The following XKR6 variants were observed in gnomAD, a reference collection of about 807,000 sequenced individuals.
The protein encoded by XKR6 is XK-related protein 6.
A neutral mutation model predicts 56.7 loss-of-function variants in XKR6; 22 were observed. The ratio of observed to expected loss-of-function variants is 0.39; its 90% CI spans 0.28 to 0.55. XKR6 has a LOEUF of 0.55. XKR6 is among the 20% of genes least tolerant of loss of function. The pLI, the probability that XKR6 is intolerant of heterozygous loss-of-function variation, is 0.66. For missense variants in XKR6, 852 were observed against 889.0 expected (o/e 0.96, Z 0.53); for synonymous variants, 524 against 387.8 (o/e 1.35, Z -4.13).
intron 1 of XKR6, among the ~76,000 whole-genome samples, chr8:11,134,298 C>T (rs542575939): frequency 2.0e-5 from 3 of 152,268 alleles, no homozygotes; most frequent in African/African-American, 7.2e-5. Flanking sequence ...TATCCCAATG[C>T]CTTAAGGGCG....
chr8:10,984,173 T>C (rs1337300511), intron 1 of XKR6, among the ~76,000 whole-genome samples: 1 of 152,202 alleles, frequency 6.6e-6, no homozygotes, highest in African/African-American at 2.4e-5. Flanking sequence ...CCTATTACCA[T>C]AACTTTACAT....
intron 1 of XKR6, among the ~76,000 whole-genome samples, chr8:10,972,727 T>C (rs28494533): frequency 6.6e-6 from 1 of 151,972 alleles, no homozygotes; most frequent in Admixed American, 6.5e-5. Context: ...TGGGGAGTCA[T>C]TGTTTAGTGG....
chr8:11,174,529 T>A (rs1483556424), intron 1 of XKR6, among the ~76,000 whole-genome samples: 4 of 152,234 alleles, frequency 2.6e-5, no homozygotes, highest in Non-Finnish European at 2.9e-5. Context: ...GGCTAGTAGT[T>A]ACTCAAACAG....
chr8:11,029,626 G>C (rs1798947297), intron 1 of XKR6, among the ~76,000 whole-genome samples: 1 of 152,106 alleles, frequency 6.6e-6, no homozygotes, highest in Non-Finnish European at 1.5e-5. Flanking sequence ...AGTGTCTGCT[G>C]TGTGAGCCAC....
At chr8:10,968,660 C>G (rs1475552057) in intron 1 of XKR6, among the ~76,000 whole-genome samples, 1 of 152,240 alleles carries the variant, frequency 6.6e-6, no homozygotes, top group Non-Finnish European at 1.5e-5. Context: ...CAGGAGCATT[C>G]CCTCTCTCCT....
chr8:11,031,370 G>C (rs1798989630), intron 1 of XKR6, among the ~76,000 whole-genome samples: 1 of 152,230 alleles, frequency 6.6e-6, no homozygotes, highest in Non-Finnish European at 1.5e-5. Context: ...CAGCCCAGTG[G>C]GTTCTCTTCA....
At chr8:11,114,802 A>C (rs1253198594) in intron 1 of XKR6, among the ~76,000 whole-genome samples, 1 of 148,680 alleles carries the variant, frequency 6.7e-6, no homozygotes, top group Admixed American at 6.8e-5. Flanking sequence ...AGGTCAGTGT[A>C]ATGCTAAACC....
chr8:11,169,149 C>A (rs536708080), intron 1 of XKR6, among the ~76,000 whole-genome samples: 8 of 152,238 alleles, frequency 5.3e-5, no homozygotes, highest in East Asian at 3.9e-4. Flanking sequence ...TCCATAAAAA[C>A]CCCAAATCTA....
chr8:11,060,767 T>C (rs1799813343), intron 1 of XKR6, among the ~76,000 whole-genome samples: 1 of 152,198 alleles, frequency 6.6e-6, no homozygotes, highest in South Asian at 2.1e-4. Flanking sequence ...TAAATACTTA[T>C]TACATCCTGC....
intron 1 of XKR6, among the ~76,000 whole-genome samples, chr8:11,101,915 G>GT (rs1425572652): frequency 1.3e-5 from 2 of 152,122 alleles, no homozygotes; most frequent in Non-Finnish European, 2.9e-5. Context: ...TTTTAGTGTT[G>GT]TATCTTGCAG....
At chr8:11,084,675 C>A (rs886188066) in intron 1 of XKR6, among the ~76,000 whole-genome samples, 2 of 152,186 alleles carry the variant, frequency 1.3e-5, no homozygotes, top group African/African-American at 2.4e-5. Flanking sequence ...CAGACTTCAG[C>A]TTTCAGAGTT....
chr8:11,182,231 G>T (rs754915718), intron 1 of XKR6, among the ~76,000 whole-genome samples: 2 of 152,314 alleles, frequency 1.3e-5, no homozygotes, highest in African/African-American at 4.8e-5. Flanking sequence ...AGGTGGTGGT[G>T]AGCCCCATGA....
intron 1 of XKR6, among the ~76,000 whole-genome samples, chr8:11,164,406 T>A (rs969190800): frequency 3.9e-5 from 6 of 152,218 alleles, no homozygotes; most frequent in African/African-American, 1.4e-4. Context: ...TTCTCCTCAG[T>A]TTCATCGCCC....
chr8:11,078,637 C>G (rs1054641386), intron 1 of XKR6, among the ~76,000 whole-genome samples: 4 of 152,174 alleles, frequency 2.6e-5, no homozygotes, highest in Admixed American at 6.5e-5. Context: ...CTGCGAGTCT[C>G]AAGACAAGAG....
At chr8:11,163,118 G>C (rs1045443052) in intron 1 of XKR6, among the ~76,000 whole-genome samples, 7 of 152,024 alleles carry the variant, frequency 4.6e-5, no homozygotes, top group African/African-American at 1.7e-4. Context: ...AATTATTTTC[G>C]AATAAAATCA....
At chr8:11,102,779 C>T (rs1358324461) in intron 1 of XKR6, among the ~76,000 whole-genome samples, 1 of 152,132 alleles carries the variant, frequency 6.6e-6, no homozygotes, top group Non-Finnish European at 1.5e-5. Context: ...TTCATGAAAA[C>T]CTAGAGAGAA....
chr8:11,088,104 A>C (rs889665325), intron 1 of XKR6, among the ~76,000 whole-genome samples: 5 of 152,270 alleles, frequency 3.3e-5, no homozygotes, highest in South Asian at 2.1e-4. Flanking sequence ...GTTTGAAAAA[A>C]TGCTAAGAAA....
chr8:10,998,892 C>A (rs1489712563), intron 1 of XKR6, among the ~76,000 whole-genome samples: 1 of 152,182 alleles, frequency 6.6e-6, no homozygotes, highest in African/African-American at 2.4e-5. Flanking sequence ...CCCAATATAC[C>A]CAGGATGGAA....
chr8:11,043,731 C>T (rs1393298102), intron 1 of XKR6, among the ~76,000 whole-genome samples: 1 of 152,258 alleles, frequency 6.6e-6, no homozygotes, highest in African/African-American at 2.4e-5. Context: ...AAACTAAGTT[C>T]CCGCCCATGA....
Sources: allele counts gnomAD v4.1 joint callset (sites outside exome capture counted in the v4.1 genomes callset), GRCh38; gene constraint gnomAD v4.1.1; transcripts MANE v1.5; gene names NCBI Gene and HGNC (gene_info 2026-07-23, HGNC 2026-07-21).